MSN: variants seen among roughly 807,000 people sequenced by gnomAD.
The protein encoded by MSN is moesin, also known as epididymis luminal protein 70.
Under a neutral mutation model 48.0 loss-of-function variants are expected in MSN, and 2 were observed. The ratio of observed to expected loss-of-function variants is 0.04; its 90% CI spans 0.02 to 0.13. MSN has a LOEUF of 0.13. Among genes scored for constraint, MSN ranks in the 10% least tolerant of loss-of-function variants. MSN has a pLI of 1.00. For synonymous variants in MSN, 146 were observed against 166.9 expected (o/e 0.87, Z 0.97); for missense variants, 267 against 470.1 (o/e 0.57, Z 3.99).
At chrX:65,682,882 T>C (rs188051946) in intron 1 of MSN, among the ~76,000 whole-genome samples, 128 of 112,285 alleles carry the variant, frequency 1.1e-3, no homozygotes, top group African/African-American at 4.0e-3. Flanking sequence ...CCTGGCAGAA[T>C]GGAACAGGGT....
rs377697679 is a variant in MSN, at chrX:65,649,939, C to T, written c.-22+61327C>T. Among the ~76,000 whole-genome samples the T allele has an allele frequency of 4.7e-5, 5 of 106,273 alleles. 1 individual carries two copies. In the East Asian group the frequency reaches 8.8e-4, roughly 19 times the overall value. 92.3% of individuals were successfully genotyped at this position (106,273 alleles called of 115,157 possible). On this transcript the variant is annotated intron_variant, in intron 1 of 3. Coordinates refer to the MSN transcript ENST00000609672. ...CACACTAGGTGCTCCAGAAAAGGTT[C>T]TGGAATGAGAATCATCATTTCTCTG...
At chrX:65,686,235 G>A (rs886324488) in intron 1 of MSN, among the ~76,000 whole-genome samples, 2 of 113,124 alleles carry the variant, frequency 1.8e-5, no homozygotes, top group African/African-American at 6.4e-5. Flanking sequence ...CAGGCCACTA[G>A]AGGAGAAGCA....
At chrX:65,623,876 T>C (rs1227504686) in intron 1 of MSN, among the ~76,000 whole-genome samples, 1 of 110,149 alleles carries the variant, frequency 9.1e-6, no homozygotes, top group Non-Finnish European at 1.9e-5. Flanking sequence ...TTTCCTTTGT[T>C]GGGAGGTTTT....
At chrX:65,719,404 C>G (rs1410660159) in intron 2 of MSN, among the ~76,000 whole-genome samples, 1 of 111,761 alleles carries the variant, frequency 8.9e-6, no homozygotes, top group African/African-American at 3.3e-5. Context: ...ATTTCTGTTC[C>G]TAGTATTGGG....
At chrX:65,616,806 C>A (rs1208271127) in intron 1 of MSN, among the ~76,000 whole-genome samples, 7 of 109,359 alleles carry the variant, frequency 6.4e-5, no homozygotes, top group African/African-American at 2.3e-4. Context: ...GGAATGCTTC[C>A]AGTTTTTTCC....
rs759176072 is a variant in MSN, at chrX:65,739,177, G to C, written c.1552G>C (p.Val518Leu). The stretch of plus-strand genomic sequence containing the variant: ...CACTGAGGCAGAGAAGAATGAGCGT[G>C]TGCAGAAGCACCTGAAGGTATACAA... ...RTTEAEKNER[V>L]QKHLKALTSE... The change falls in exon 12 of 13, where the codon GTG becomes CTG. Residue 518 changes from valine to leucine, a missense_variant. By Grantham distance (32) the Val-to-Leu change is conservative. Around this residue, in one of 5 missense-constraint regions of MSN, gnomAD observed 48 missense variants for 115.5 expected, o/e 0.42. Coordinates refer to ENST00000360270, the MANE Select transcript of MSN (RefSeq NM_002444.3). 57 of 1,208,165 alleles carry C rather than the reference G, an allele frequency of 4.7e-5. No homozygotes were observed. The highest frequency in any genetic ancestry group is 5.9e-5 in the Non-Finnish European group (53 of 893,931).
chrX:65,711,439 G>A (rs371029292), intron 1 of MSN, among the ~76,000 whole-genome samples: 14 of 108,944 alleles, frequency 1.3e-4, no homozygotes, highest in African/African-American at 2.3e-4. Flanking sequence ...CAAGTAATTC[G>A]CCCGCCTTGG....
chrX:65,617,249 T>C (rs1409679142), intron 1 of MSN, among the ~76,000 whole-genome samples: 1 of 110,221 alleles, frequency 9.1e-6, no homozygotes, highest in Admixed American at 9.6e-5. Flanking sequence ...ATTCCCTCTT[T>C]TTCTATTGAT....
chrX:65,667,360 C>T (rs986178748), upstream of MSN, among the ~76,000 whole-genome samples: 4 of 110,813 alleles, frequency 3.6e-5, no homozygotes, highest in South Asian at 3.8e-4. Context: ...TCTGTCAGGG[C>T]CCAGGGTCTG....
chrX:65,630,072 G>A (rs1391274781), intron 1 of MSN, among the ~76,000 whole-genome samples: 4 of 110,372 alleles, frequency 3.6e-5, no homozygotes, highest in Non-Finnish European at 5.7e-5. Flanking sequence ...CCAGCTACTC[G>A]GGAGGCTGAG....
At position 65,727,855 on chromosome X, in the gene MSN, T is replaced by A; in HGVS notation, c.138T>A (p.Gly46=). 2 of 1,211,722 alleles carry A rather than the reference T, an allele frequency of 1.7e-6. No individual in the cohort carries two copies. Among genetic ancestry groups the A allele is most frequent in the Non-Finnish European group, 2.2e-6 (2 of 895,273 alleles). ...TIGLREVWFF[G]LQYQDTKGFS... is the part of the protein sequence containing the mutation. ...GCTTGAGGGAAGTTTGGTTCTTTGGTCTGCAGTACCAGGACACTAAAGGTT... is the reference window on the plus strand; with the variant it reads ...GCTTGAGGGAAGTTTGGTTCTTTGGACTGCAGTACCAGGACACTAAAGGTT... Residue 46 remains glycine (G), a synonymous_variant, in exon 3 of 13, where the codon GGT becomes GGA. Coordinates refer to ENST00000360270, the MANE Select transcript of MSN (RefSeq NM_002444.3).
chrX:65,618,869 T>A (rs373339998), intron 1 of MSN, among the ~76,000 whole-genome samples: 1 of 111,486 alleles, frequency 9.0e-6, no homozygotes, highest in Admixed American at 9.6e-5. Context: ...CCATGTTTAG[T>A]GCTTCCTTCA....
At chrX:65,674,673 A>G (rs890109885) in intron 1 of MSN, among the ~76,000 whole-genome samples, 3 of 111,823 alleles carry the variant, frequency 2.7e-5, no homozygotes, top group African/African-American at 6.5e-5. Flanking sequence ...TTTTCAATTT[A>G]GTGACAGTAT....
At chrX:65,611,442 G>T (rs1340429648) in intron 1 of MSN, among the ~76,000 whole-genome samples, 6 of 111,679 alleles carry the variant, frequency 5.4e-5, no homozygotes, top group Non-Finnish European at 1.1e-4. Flanking sequence ...TTACAGGTGT[G>T]AGCCACTGTG....
intron 1 of MSN, among the ~76,000 whole-genome samples, chrX:65,603,692 G>A (rs916552126): frequency 7.1e-5 from 8 of 112,302 alleles, no homozygotes; most frequent in East Asian, 5.6e-4. Context: ...TTCAGACTCC[G>A]GAAGAATAAG....
intron 1 of MSN, among the ~76,000 whole-genome samples, chrX:65,632,281 T>C (rs780120450): frequency 3.6e-5 from 4 of 111,790 alleles, no homozygotes; most frequent in Non-Finnish European, 5.6e-5. Flanking sequence ...GTCTCTTCCT[T>C]ACCCTTTATT....
intron 1 of MSN, among the ~76,000 whole-genome samples, chrX:65,713,336 C>T (rs1373158472): frequency 9.0e-6 from 1 of 111,591 alleles, no homozygotes; most frequent in African/African-American, 3.3e-5. Flanking sequence ...CCCTCTATGC[C>T]ACCCATACCC....
intron 1 of MSN, among the ~76,000 whole-genome samples, chrX:65,714,446 G>T (rs938356092): frequency 9.0e-6 from 1 of 111,313 alleles, no homozygotes; most frequent in South Asian, 3.8e-4. Context: ...AGTGTATAAA[G>T]GTTCCCTTTT....
intron 1 of MSN, among the ~76,000 whole-genome samples, chrX:65,682,349 A>G (rs2071064846): frequency 8.9e-6 from 1 of 112,156 alleles, no homozygotes; most frequent in African/African-American, 3.2e-5. Context: ...TGTTTTCACC[A>G]CATACTACCC....
Sources: gnomAD v4.1 joint callset for allele counts (sites outside exome capture counted in the v4.1 genomes callset) on GRCh38, gnomAD v4.1.1 for gene constraint, gnomAD v4.1.1 regional missense constraint, MANE v1.5 for transcripts, NCBI Gene and HGNC (gene_info 2026-07-23, HGNC 2026-07-21) for gene names.